Variants in WDPCP observed in about 807,000 individuals in gnomAD.
WDPCP encodes the protein WD repeat-containing and planar cell polarity effector protein fritz homolog.
Under a neutral mutation model 93.1 loss-of-function variants are expected in WDPCP, and 71 were observed. The observed-to-expected ratio is 0.76, with a 90% confidence interval of 0.63 to 0.93. The LOEUF (loss-of-function observed/expected upper bound fraction) is 0.93. WDPCP is among the 40% of genes least tolerant of loss of function. The pLI, the probability that WDPCP is intolerant of heterozygous loss-of-function variation, is 0.00. For synonymous variants in WDPCP, 315 were observed against 315.0 expected (o/e 1.00, Z 0.00); for missense variants, 844 against 887.4 (o/e 0.95, Z 0.62).
intron 2 of WDPCP, among the ~76,000 whole-genome samples, chr2:63,743,407 G>C (rs1031255233): frequency 6.6e-6 from 1 of 151,950 alleles, no homozygotes; most frequent in Non-Finnish European, 1.5e-5. Flanking sequence ...AACAGCTGCT[G>C]GAAAGATTTG....
chr2:63,204,364 A>G (rs1387545990), intron 14 of WDPCP, among the ~76,000 whole-genome samples: 4 of 125,186 alleles, frequency 3.2e-5, no homozygotes, highest in Non-Finnish European at 6.5e-5. Context: ...TTTTTGAGAC[A>G]GAGTCTCACT....
chr2:63,448,437 A>AACACACACAC (rs35247066), intron 6 of WDPCP, among the ~76,000 whole-genome samples: 232 of 148,798 alleles, frequency 1.6e-3, no homozygotes, highest in African/African-American at 5.3e-3. Context: ...AAAATACATC[A>AACACACACAC]ACACACACAC....
chr2:63,334,824 GACAGAT>G (rs1688236136), intron 12 of WDPCP, among the ~76,000 whole-genome samples: 2 of 52,140 alleles, frequency 3.8e-5, no homozygotes, highest in Non-Finnish European at 5.9e-5. Flanking sequence ...TCCTAAATAG[GACAGAT>G]ACAAAGATTT....
intron 12 of WDPCP, among the ~76,000 whole-genome samples, chr2:63,339,329 C>T (rs957761534): frequency 1.3e-5 from 2 of 152,026 alleles, no homozygotes; most frequent in Admixed American, 6.6e-5. Flanking sequence ...CACGACATCA[C>T]GTCCAGCTAA....
chr2:63,173,256 G>A (rs1366013949), intron 15 of WDPCP, among the ~76,000 whole-genome samples: 1 of 138,194 alleles, frequency 7.2e-6, no homozygotes, highest in Non-Finnish European at 1.5e-5. Flanking sequence ...CAACTAGAGC[G>A]AAACTCTGTC....
Position 63,401,229 on chromosome 2 carries a change from G to C in WDPCP, c.1435+2819C>G, listed in dbSNP as rs1575335029. Reference sequence around the variant, plus strand: ...AGGCAATCTACAGAATGGGAGAAAAGTTTTGCAATCTACCCATCTAACAAA... The same window carrying C: ...AGGCAATCTACAGAATGGGAGAAAACTTTTGCAATCTACCCATCTAACAAA... On this transcript the variant is annotated intron_variant, in intron 10 of 17. Coordinates refer to ENST00000272321, the MANE Select transcript of WDPCP (RefSeq NM_015910.7). Among the ~76,000 whole-genome samples, 3 of 152,142 alleles carry C rather than the reference G, an allele frequency of 2.0e-5. No individual in the cohort carries two copies. In the South Asian group the frequency reaches 6.2e-4, roughly 32 times the overall value.
At chr2:63,332,327 T>C (rs1053958587) in intron 12 of WDPCP, among the ~76,000 whole-genome samples, 7 of 152,076 alleles carry the variant, frequency 4.6e-5, no homozygotes, top group African/African-American at 1.7e-4. Context: ...TGCTCCAGTA[T>C]GGTTATAACA....
intron 1 of WDPCP, chr2:63,518,679 A>G (rs1405297392): frequency 6.6e-6 from 1 of 152,360 alleles, no homozygotes; most frequent in East Asian, 1.9e-4. Context: ...GTGCAGGACA[A>G]TCTTGCCCAT....
intron 4 of WDPCP, 61 bp from the exon 5 acceptor site, chr2:63,485,048 A>G (rs776476186): frequency 1.3e-6 from 2 of 1,579,096 alleles, no homozygotes; most frequent in Non-Finnish European, 1.7e-6. Context: ...AATTCTGCTT[A>G]GCAGTGTGCC....
chr2:63,621,215 TAAC>T (rs1002102085), intron 3 of WDPCP, among the ~76,000 whole-genome samples: 8 of 151,848 alleles, frequency 5.3e-5, no homozygotes, highest in Non-Finnish European at 1.0e-4. Context: ...CGGTGGCTAA[TAAC>T]AAACTCCTCT....
intron 13 of WDPCP, among the ~76,000 whole-genome samples, chr2:63,285,429 A>G (rs7609203): frequency 0.83 from 117,004 of 141,682 alleles, 49,010 homozygotes; most frequent in East Asian, 1. Context: ...GTGAGACTCC[A>G]TCTCAAAAAA....
At chr2:63,684,598 G>C in intron 2 of WDPCP, 1 of 719,792 alleles carries the variant, frequency 1.4e-6, no homozygotes, top group Non-Finnish European at 2.6e-6. Flanking sequence ...TCATCAGTAA[G>C]GATGTCTTCA....
intron 13 of WDPCP, among the ~76,000 whole-genome samples, chr2:63,270,535 A>G (rs1181694932): frequency 6.6e-6 from 1 of 152,188 alleles, no homozygotes; most frequent in Non-Finnish European, 1.5e-5. Context: ...CACCACCTCC[A>G]CAAAGAAGGA....
chr2:63,402,110 T>C (rs1166862810), intron 10 of WDPCP, among the ~76,000 whole-genome samples: 1 of 152,068 alleles, frequency 6.6e-6, no homozygotes, highest in Non-Finnish European at 1.5e-5. Context: ...ATGTGGTACA[T>C]ATACACCATG....
chr2:63,598,637 T>G (rs1294903217), intron 3 of WDPCP, among the ~76,000 whole-genome samples: 1 of 152,220 alleles, frequency 6.6e-6, no homozygotes, highest in Non-Finnish European at 1.5e-5. Flanking sequence ...TTGCTTTCTG[T>G]GCACTTCATT....
chr2:63,214,296 T>A (rs960772698), intron 14 of WDPCP, among the ~76,000 whole-genome samples: 6 of 152,190 alleles, frequency 3.9e-5, no homozygotes, highest in Non-Finnish European at 2.9e-5. Context: ...GCTTCATCCC[T>A]GGGATGCAAG....
intron 13 of WDPCP, among the ~76,000 whole-genome samples, chr2:63,260,147 T>G (rs975013092): frequency 1.7e-4 from 26 of 152,274 alleles, no homozygotes; most frequent in Non-Finnish European, 3.4e-4. Context: ...CTGGTGCAGA[T>G]ATGCAGAGAA....
At chr2:63,582,717 T>A (rs1003202070) in intron 1 of WDPCP, among the ~76,000 whole-genome samples, 10 of 151,730 alleles carry the variant, frequency 6.6e-5, no homozygotes, top group African/African-American at 2.4e-4. Context: ...AAGATAAAGA[T>A]GATAGTAGAT....
At chr2:63,650,436 A>G (rs1012681850) in intron 3 of WDPCP, among the ~76,000 whole-genome samples, 5 of 152,234 alleles carry the variant, frequency 3.3e-5, no homozygotes, top group African/African-American at 1.2e-4. Flanking sequence ...CCCCACTATC[A>G]TTCCTTCAGG....
Sources: allele counts gnomAD v4.1 joint callset (sites outside exome capture counted in the v4.1 genomes callset), GRCh38; gene constraint gnomAD v4.1.1; transcripts MANE v1.5; gene names NCBI Gene and HGNC (gene_info 2026-07-23, HGNC 2026-07-21).